The following HNRNPL variants were observed in gnomAD, a reference collection of about 807,000 sequenced individuals.
HNRNPL encodes the protein heterogeneous nuclear ribonucleoprotein L.
Under a neutral mutation model 64.0 loss-of-function variants are expected in HNRNPL, and 12 were observed. The observed-to-expected ratio is 0.19, with a 90% CI of 0.12 to 0.30. The LOEUF is 0.30. Ranked by LOEUF, HNRNPL falls within the 10% of genes least tolerant of loss-of-function variation. The pLI is 1.00. For synonymous variants in HNRNPL, 385 were observed against 313.0 expected (o/e 1.23, Z -2.43); for missense variants, 484 against 797.4 (o/e 0.61, Z 4.73).
Position 38,849,909 on chromosome 19 carries a change from G to C in HNRNPL, c.58C>G (p.Gln20Glu). ...CGCCTCCGCTGCTCGTCCGGCTGCT[G>C]CCTCTGCTCCAGCCGCCGACGCCGC... ...EKRRRRLEQR[Q>E]QPDEQRRRSG... Residue 20 changes from glutamine to glutamate, a missense_variant, in exon 1 of 13, where the codon CAG becomes GAG. By Grantham distance (29) the Gln-to-Glu change is conservative. Coordinates refer to ENST00000221419, the MANE Select transcript of HNRNPL (RefSeq NM_001533.3). 2 of 1,287,668 alleles carry C rather than the reference G, an allele frequency of 1.6e-6. No individual in the cohort carries two copies. Among genetic ancestry groups the C allele is most frequent in the Non-Finnish European group, 2.2e-6 (2 of 929,112 alleles). The allele number at this position is 1,287,668 out of a possible 1,614,324, so 79.8% of individuals were successfully genotyped here.
rs1971937159 is a variant in HNRNPL at position 38,836,624 on chromosome 19, A to AAAT, written c.*97_*98insATT. ...AAAAAAAAAAAAAAAAAAAAAAAAA[A>AAAT]GGAATACAAGATCTTTTGCAAATAA... On this transcript the variant is annotated 3_prime_UTR_variant, in exon 13 of 13. Transcript: ENST00000221419. 4 of 435,752 alleles carry AAAT rather than the reference A, an allele frequency of 9.2e-6. No individual in the cohort carries two copies. The highest frequency in any genetic ancestry group is 3.3e-5 in the Admixed American group (1 of 30,110). 27.0% of individuals were successfully genotyped at this position (435,752 alleles called of 1,614,324 possible).
At position 38,849,700 on chromosome 19, in the gene HNRNPL, C is replaced by CCCACCG; in HGVS notation, c.261_266dup (p.Gly88_Gly89dup). ...CCAGCGCCTAGGGCCCTGGCCTCAC[C>CCCACCG]CCACCGCCGCCGCCGCCCGCCGCCC... On this transcript the variant is annotated inframe_insertion and splice_region_variant, in exon 1 of 13. Transcript: ENST00000221419. The CCCACCG allele has an allele frequency of 7.4e-7, 1 of 1,359,504 alleles. No homozygotes were observed. Among genetic ancestry groups the CCCACCG allele is most frequent in the Non-Finnish European group, 9.4e-7 (1 of 1,066,134 alleles). The allele number at this position is 1,359,504 out of a possible 1,614,324, so 84.2% of individuals were successfully genotyped here. A position where few individuals can be genotyped will look rare whatever the true frequency, so the allele number is the denominator to read the frequency against.
Position 38,838,496 on chromosome 19 carries a change from G to T in HNRNPL, c.1458C>A (p.Ser486=). Residue 486 remains serine, a synonymous_variant, in exon 10 of 13, where the codon TCC becomes TCA. Coordinates refer to ENST00000221419, the MANE Select transcript of HNRNPL (RefSeq NM_001533.3). ...GGTTCTTGGCTGCCTGCTCTGGGGT[G>T]GAGAACCGATTGTTCCGGGATTCAC... The part of the protein sequence containing the change: ...DFSESRNNRF[S]TPEQAAKNRI... The T allele has an allele frequency of 6.2e-7, 1 of 1,614,080 alleles. No homozygotes were observed. Among genetic ancestry groups the T allele is most frequent in the South Asian group, 1.1e-5 (1 of 91,082 alleles).
At chr19:38,843,812 T>C (rs1720166841) in intron 6 of HNRNPL, 30 bp downstream of exon 6, 2 of 1,575,908 alleles carry the variant, frequency 1.3e-6, no homozygotes, top group African/African-American at 1.3e-5. Context: ...AAGGCGGGTA[T>C]GTTTAGAACA....
In HNRNPL at chr19:38,837,149, G is replaced by A. The variant is rs1971955869; in HGVS notation, c.1711+235C>T. The A allele has an allele frequency of 1.4e-5, 8 of 580,666 alleles. No homozygotes were observed. The South Asian group carries it at 1.7e-4, about 12-fold the overall frequency. The allele number at this position is 580,666 out of a possible 1,614,324, so 36.0% of individuals were successfully genotyped here. A position where few individuals can be genotyped will look rare whatever the true frequency, so the allele number is the denominator to read the frequency against. ...AAGAAGAGAATGCCACCTCCCTGGA[G>A]GACAAGCCTGAGCAACTCCCAAGCT... On this transcript the variant is annotated intron_variant, in intron 12 of 12. Coordinates refer to ENST00000221419, the MANE Select transcript of HNRNPL (RefSeq NM_001533.3).
chr19:38,849,857 G>A lies in HNRNPL; in HGVS notation c.110C>T (p.Ala37Val). 1 of 1,214,708 alleles carries A rather than the reference G, an allele frequency of 8.2e-7. No individual in the cohort carries two copies. The highest frequency in any genetic ancestry group is 2.8e-5 in the East Asian group (1 of 36,118). 75.2% of individuals were successfully genotyped at this position (1,214,708 alleles called of 1,614,324 possible). Residue 37 changes from alanine to valine, a missense_variant, in exon 1 of 13, where the codon GCG becomes GTG. Around this residue, in one of 9 missense-constraint regions of HNRNPL, gnomAD observed 190 missense variants for 160.1 expected, o/e 1.19. Transcript: ENST00000221419. Reference sequence around the variant, plus strand: ...GCCACCGCCGCCTCCGCCGCCCGCCGCCGCCATCTTCACCATCGCTCCCGA... The same window carrying A: ...GCCACCGCCGCCTCCGCCGCCCGCCACCGCCATCTTCACCATCGCTCCCGA... Reference protein sequence around the residue: ...RRSGAMVKMAAAGGGGGGGRY... With the variant: ...RRSGAMVKMAVAGGGGGGGRY...
intron 8 of HNRNPL, chr19:38,839,241 A>G: frequency 3.8e-6 from 2 of 532,816 alleles, no homozygotes; most frequent in Non-Finnish European, 6.8e-6. Flanking sequence ...CCAGTAAATC[A>G]TTTAGTGAAG....
rs1244167056 is a variant in HNRNPL, at chr19:38,840,296, T to C, written c.1033A>G (p.Met345Val). The change falls in exon 8 of 13, where the codon ATG becomes GTG. Residue 345 changes from methionine (M) to valine (V), a missense_variant. Coordinates refer to ENST00000221419, the MANE Select transcript of HNRNPL (RefSeq NM_001533.3). Reference protein sequence around the residue: ...PPPPHYEGRRMGPPVGGHRRG... With the variant: ...PPPPHYEGRRVGPPVGGHRRG... ...CGGTGACCCCCCACTGGTGGACCCA[T>C]CCTTCTCCCTTCGTAGTGAGGTGGG... The C allele has an allele frequency of 3.8e-6, 6 of 1,570,268 alleles. No individual in the cohort carries two copies. The highest frequency in any genetic ancestry group is 4.3e-6 in the Non-Finnish European group (5 of 1,157,800).
intron 10 of HNRNPL, 69 bp from the exon 11 acceptor site, chr19:38,837,720 C>G: frequency 2.2e-6 from 3 of 1,370,426 alleles, no homozygotes; most frequent in Non-Finnish European, 3.1e-6. Flanking sequence ...TCAAGCAGAC[C>G]AGGCCCTGCA....
chr19:38,836,714 G>C lies in HNRNPL; in HGVS notation c.*8C>G, dbSNP rs543437858. 3 of 1,599,170 alleles carry C rather than the reference G, an allele frequency of 1.9e-6. No individual in the cohort carries two copies. The highest frequency in any genetic ancestry group is 2.6e-6 in the Non-Finnish European group (3 of 1,169,350). Reference sequence around the variant, plus strand: ...CCTGCTCAGATGGGACTCTTCCTAGGCACCTAATTAGGAGGCGTGCTGAGC... The same window carrying C: ...CCTGCTCAGATGGGACTCTTCCTAGCCACCTAATTAGGAGGCGTGCTGAGC... On this transcript the variant is annotated 3_prime_UTR_variant, in exon 13 of 13. Coordinates refer to ENST00000221419, the MANE Select transcript of HNRNPL (RefSeq NM_001533.3).
chr19:38,852,065 G>A (rs1393552170), upstream of HNRNPL, among the ~76,000 whole-genome samples: 3 of 133,414 alleles, frequency 2.2e-5, no homozygotes, highest in Non-Finnish European at 4.8e-5. Context: ...CCGCCCCCGC[G>A]GCCGGCCCGG....
At chr19:38,851,249 C>T (rs1972496630), upstream of HNRNPL, 1 of 152,310 alleles carries the variant, frequency 6.6e-6, no homozygotes, top group Admixed American at 6.5e-5. Context: ...TAAGACCACC[C>T]GCACTGCACC....
At chr19:38,837,557 T>C (rs924644301) in intron 11 of HNRNPL, 37 bp downstream of exon 11, 5 of 1,612,232 alleles carry the variant, frequency 3.1e-6, no homozygotes, top group East Asian at 2.2e-5. Context: ...CCAACCACCA[T>C]GCAATTAGGG....
Position 38,840,340 on chromosome 19 carries a change from T to C in HNRNPL, c.989A>G (p.Asp330Gly). 6.5e-7 allele frequency: 1 copy of C among 1,549,282 alleles called. No homozygotes were observed. Among genetic ancestry groups the C allele is most frequent in the Non-Finnish European group, 8.7e-7 (1 of 1,145,458 alleles). Reference protein sequence around the residue: ...PHGGYHSHYHDEGYGPPPPHY... With the variant: ...PHGGYHSHYHGEGYGPPPPHY... ...AGGTGGGGGGGGCCCGTAGCCCTCA[T>C]CATGGTAATGGCTGTGGTACCCACC... The change falls in exon 8 of 13, where the codon GAT becomes GGT. Residue 330 changes from aspartate (D) to glycine (G), a missense_variant. Asp to Gly is a moderately conservative substitution (Grantham distance 94). Around this residue, in one of 9 missense-constraint regions of HNRNPL, gnomAD observed 46 missense variants for 37.4 expected, o/e 1.23. Transcript: ENST00000221419.
intron 1 of HNRNPL, 57 bp downstream of exon 1, chr19:38,849,643 G>A: frequency 3.8e-6 from 5 of 1,303,524 alleles, no homozygotes; most frequent in Non-Finnish European, 4.9e-6. Context: ...ATGCCCTCAA[G>A]CTGGGAAATT....
At chr19:38,851,381 G>A (rs1023225081), upstream of HNRNPL, among the ~76,000 whole-genome samples, 2 of 152,242 alleles carry the variant, frequency 1.3e-5, no homozygotes, top group East Asian at 3.8e-4. Context: ...GGATTAACCC[G>A]GGATCCCGTC....
intron 6 of HNRNPL, 139 bp from the exon 7 acceptor site, chr19:38,840,698 T>G (rs553628126): frequency 1.1e-5 from 8 of 713,104 alleles, no homozygotes; most frequent in Non-Finnish European, 1.5e-5. Flanking sequence ...GGGGCCTCCT[T>G]TTGTGATCTG....
chr19:38,849,970 G>T lies in HNRNPL; in HGVS notation c.-4C>A. On this transcript the variant is annotated 5_prime_UTR_variant, in exon 1 of 13. Coordinates refer to ENST00000221419, the MANE Select transcript of HNRNPL (RefSeq NM_001533.3). The stretch of plus-strand genomic sequence containing the variant: ...GGGGCAGCAGCCTCCGCGACATGGC[G>T]GCGCAGAACCCGCCTCCCCCCGCCT... 1 of 1,331,186 alleles carries T rather than the reference G, an allele frequency of 7.5e-7. No homozygotes were observed. The highest frequency in any genetic ancestry group is 9.6e-7 in the Non-Finnish European group (1 of 1,037,768). The allele number at this position is 1,331,186 out of a possible 1,614,324, so 82.5% of individuals were successfully genotyped here.
rs1972071741 is a variant in HNRNPL at position 38,840,342 on chromosome 19, A to G, written c.987T>C (p.His329=). 3 of 1,549,678 alleles carry G rather than the reference A, an allele frequency of 1.9e-6. No individual in the cohort carries two copies. The highest frequency in any genetic ancestry group is 1.4e-5 in the African/African-American group (1 of 72,998). Residue 329 remains histidine (H), a synonymous_variant, in exon 8 of 13, where the codon CAT becomes CAC. Coordinates refer to ENST00000221419, the MANE Select transcript of HNRNPL (RefSeq NM_001533.3). ...GPHGGYHSHY[H]DEGYGPPPPH... ...GTGGGGGGGGCCCGTAGCCCTCATCATGGTAATGGCTGTGGTACCCACCGT... is the reference window on the plus strand; with the variant it reads ...GTGGGGGGGGCCCGTAGCCCTCATCGTGGTAATGGCTGTGGTACCCACCGT...
Sources: allele counts gnomAD v4.1 joint callset (sites outside exome capture counted in the v4.1 genomes callset), GRCh38; gene constraint gnomAD v4.1.1; regional missense constraint gnomAD v4.1.1; transcripts MANE v1.5; gene names NCBI Gene and HGNC (gene_info 2026-07-23, HGNC 2026-07-21).